The following NLGN4X variants were observed in gnomAD, a reference collection of about 807,000 sequenced individuals.
NLGN4X encodes the protein neuroligin 4 X-linked.
Under a neutral mutation model 40.3 loss-of-function variants are expected in NLGN4X, and 3 were observed. The ratio of observed to expected loss-of-function variants is 0.07; its 90% CI spans 0.03 to 0.19. The LOEUF (loss-of-function observed/expected upper bound fraction) is 0.19, where lower values mean the gene tolerates loss of function less well. Among genes scored for constraint, NLGN4X ranks in the 10% least tolerant of loss-of-function variants. The pLI, the probability that NLGN4X is intolerant of heterozygous loss-of-function variation, is 1.00. For missense variants in NLGN4X, 382 were observed against 708.3 expected (o/e 0.54, Z 5.23); for synonymous variants, 270 against 306.8 (o/e 0.88, Z 1.25).
intron 3 of NLGN4X, among the ~76,000 whole-genome samples, chrX:5,972,827 C>A (rs1344312632): frequency 9.0e-6 from 1 of 110,627 alleles, no homozygotes; most frequent in African/African-American, 3.3e-5. Context: ...GGATTACAGG[C>A]ATGAGACACT....
intron 2 of NLGN4X, among the ~76,000 whole-genome samples, chrX:6,119,451 C>T (rs1287215511): frequency 2.7e-5 from 3 of 111,734 alleles, no homozygotes; most frequent in Non-Finnish European, 3.8e-5. Context: ...AAAATAACCA[C>T]ATGAAAAAAA....
At chrX:5,972,464 A>T (rs998061018) in intron 3 of NLGN4X, among the ~76,000 whole-genome samples, 1 of 111,350 alleles carries the variant, frequency 9.0e-6, no homozygotes, top group African/African-American at 3.3e-5. Context: ...TTCTTATTGT[A>T]ATCCTTCTTT....
intron 3 of NLGN4X, among the ~76,000 whole-genome samples, chrX:5,965,604 T>A (rs184004796): frequency 1.8e-5 from 2 of 111,786 alleles, no homozygotes. Context: ...TGTTTGGAAC[T>A]GTCCGCTGTG....
At chrX:6,157,466 G>A (rs62588039) in intron 1 of NLGN4X, among the ~76,000 whole-genome samples, 31,070 of 110,925 alleles carry the variant, frequency 0.28, 3,263 homozygotes, top group Non-Finnish European at 0.3. Context: ...ATCCTACACC[G>A]ACCAAAGAAA....
At position 6,151,280 on chromosome X, in the gene NLGN4X, G is replaced by A. The variant is rs150566193; in HGVS notation, c.187C>T (p.Pro63Ser). 2.5e-5 allele frequency: 30 copies of A among 1,209,963 alleles called. No individual in the cohort carries two copies. The African/African-American group carries it at 5.1e-4, about 20-fold the overall frequency. Reference sequence around the variant, plus strand: ...TCCACTGGACCCAAGATCTCATTGGGTAACGGTGTTCTTAGGCCCCGGATT... The same window carrying A: ...TCCACTGGACCCAAGATCTCATTGGATAACGGTGTTCTTAGGCCCCGGATT... ...GKIRGLRTPL[P>S]NEILGPVEQY... The change falls in exon 2 of 6, where the codon CCC becomes TCC. Residue 63 changes from proline (P) to serine (S), a missense_variant. Transcript: ENST00000381095.
In NLGN4X at chrX:6,012,516, T is replaced by C. The variant is rs1228538598; in HGVS notation, c.625+16764A>G. 2.7e-5 allele frequency among the ~76,000 whole-genome samples: 3 copies of C among 111,921 alleles called. No homozygotes were observed. The Admixed American group carries it at 2.8e-4, about 11-fold the overall frequency. On this transcript the variant is annotated intron_variant, in intron 3 of 5. Transcript: ENST00000381095. ...TATCTGAAACACCTATATTCATACA[T>C]ATATATTGCAATAATGATGTGTTGG...
chrX:5,912,694 C>T (rs974910568), intron 3 of NLGN4X, among the ~76,000 whole-genome samples: 2 of 107,611 alleles, frequency 1.9e-5, no homozygotes, highest in Admixed American at 2.0e-4. Flanking sequence ...CCCAAGTCGC[C>T]TGATCTGTGA....
intron 1 of NLGN4X, chrX:6,226,764 G>C (rs1926388940): frequency 8.4e-6 from 1 of 119,194 alleles, no homozygotes; most frequent in African/African-American, 3.2e-5. Context: ...ACCAGAGGCG[G>C]AGGGAGCAGC....
At chrX:6,215,629 A>G (rs1357485041) in intron 1 of NLGN4X, among the ~76,000 whole-genome samples, 2 of 111,403 alleles carry the variant, frequency 1.8e-5, no homozygotes, top group African/African-American at 6.5e-5. Flanking sequence ...GGGAATACAA[A>G]TGATTGCTCA....
chrX:6,145,569 T>TA (rs748259920), intron 2 of NLGN4X, among the ~76,000 whole-genome samples: 1 of 112,450 alleles, frequency 8.9e-6, no homozygotes, highest in Non-Finnish European at 1.9e-5. Flanking sequence ...ATCTCTTGAC[T>TA]AATGCAGAAT....
At chrX:6,139,388 A>G (rs2039890899) in intron 2 of NLGN4X, among the ~76,000 whole-genome samples, 1 of 112,050 alleles carries the variant, frequency 8.9e-6, no homozygotes, top group Admixed American at 9.5e-5. Flanking sequence ...AAAATACCCA[A>G]GTGAGTATTT....
intron 1 of NLGN4X, among the ~76,000 whole-genome samples, chrX:6,178,470 C>T (rs947606369): frequency 9.0e-5 from 10 of 111,495 alleles, no homozygotes; most frequent in Non-Finnish European, 1.9e-4. Context: ...CAAGGCAACC[C>T]CTGGGAAGCA....
chrX:6,112,871 T>C lies in NLGN4X; in HGVS notation c.472+38124A>G, dbSNP rs150008789. Among the ~76,000 whole-genome samples, 29 of 110,757 alleles carry C rather than the reference T, an allele frequency of 2.6e-4. No homozygotes were observed. The East Asian group carries it at 8.0e-3, about 31-fold the overall frequency. On this transcript the variant is annotated intron_variant, in intron 2 of 5. Transcript: ENST00000381095. The stretch of plus-strand genomic sequence containing the variant: ...TATCTGGCCAACATCACCTCATCCA[T>C]GGGATCAAGGTTAGTATCAACTGCA...
At chrX:6,061,279 A>T (rs1437548198) in intron 2 of NLGN4X, among the ~76,000 whole-genome samples, 1 of 111,189 alleles carries the variant, frequency 9.0e-6, no homozygotes, top group Non-Finnish European at 1.9e-5. Context: ...GTGGCTGTGG[A>T]TGTCGCTGCC....
intron 2 of NLGN4X, among the ~76,000 whole-genome samples, chrX:6,071,513 A>T (rs2038063942): frequency 8.9e-6 from 1 of 111,933 alleles, no homozygotes; most frequent in African/African-American, 3.2e-5. Flanking sequence ...GAAAATAATG[A>T]ACTGAGAGTC....
In NLGN4X at chrX:6,104,272, T is replaced by C. The variant is rs374701132; in HGVS notation, c.472+46723A>G. 2.6e-3 allele frequency among the ~76,000 whole-genome samples: 290 copies of C among 112,340 alleles called. 1 individual carries two copies. The highest frequency in any genetic ancestry group is 6.4e-3 in the Admixed American group (68 of 10,595). Reference sequence around the variant, plus strand: ...CTAGCAATACAGAAATAGAAACTTATGCTTGTCAAGAGAACAGAAGGACAT... The same window carrying C: ...CTAGCAATACAGAAATAGAAACTTACGCTTGTCAAGAGAACAGAAGGACAT... On this transcript the variant is annotated intron_variant, in intron 2 of 5. Transcript: ENST00000381095.
rs1923989458 is a variant in NLGN4X, at chrX:6,205,821, T to C, written c.-306+22720A>G. Reference sequence around the variant, plus strand: ...GAGGATCTAGATGTCTTGCAGTGTGTAAATACTTGTGAATGGGTTTTAAAT... The same window carrying C: ...GAGGATCTAGATGTCTTGCAGTGTGCAAATACTTGTGAATGGGTTTTAAAT... On this transcript the variant is annotated intron_variant, in intron 1 of 5. Transcript: ENST00000381095. Among the ~76,000 whole-genome samples, 3 of 112,230 alleles carry C rather than the reference T, an allele frequency of 2.7e-5. 1 individual carries two copies. The South Asian group carries it at 1.1e-3, about 41-fold the overall frequency.
intron 1 of NLGN4X, among the ~76,000 whole-genome samples, chrX:6,217,831 G>A (rs767320839): frequency 9.0e-6 from 1 of 111,491 alleles, no homozygotes; most frequent in East Asian, 2.8e-4. Context: ...ACAGCATGAG[G>A]GGCCTTGTCT....
Position 6,132,954 on chromosome X carries a change from G to C in NLGN4X, c.472+18041C>G, listed in dbSNP as rs758074821. 3.6e-5 allele frequency among the ~76,000 whole-genome samples: 4 copies of C among 111,637 alleles called. No individual in the cohort carries two copies. The East Asian group carries it at 1.1e-3, about 32-fold the overall frequency. On this transcript the variant is annotated intron_variant, in intron 2 of 5. Coordinates refer to ENST00000381095, the MANE Select transcript of NLGN4X (RefSeq NM_181332.3). Reference sequence around the variant, plus strand: ...AAAGCAGCAGCTGAGTTTCGAACATGGTAAGTTTGAAACATCTCTAAGGTG... The same window carrying C: ...AAAGCAGCAGCTGAGTTTCGAACATCGTAAGTTTGAAACATCTCTAAGGTG...
Sources: gnomAD v4.1 joint callset for allele counts (sites outside exome capture counted in the v4.1 genomes callset) on GRCh38, gnomAD v4.1.1 for gene constraint, MANE v1.5 for transcripts, NCBI Gene and HGNC (gene_info 2026-07-23, HGNC 2026-07-21) for gene names.